The following VWA3A variants were observed in gnomAD, a reference collection of about 807,000 sequenced individuals.
The protein encoded by VWA3A is von Willebrand factor A domain-containing protein 3A.
A neutral mutation model predicts 160.4 loss-of-function variants in VWA3A; 134 were observed. The observed-to-expected ratio is 0.84, with a 90% CI of 0.73 to 0.96. VWA3A has a LOEUF of 0.96. Among genes scored for constraint, VWA3A ranks in the 40% least tolerant of loss-of-function variants. The pLI, the probability that VWA3A is intolerant of heterozygous loss-of-function variation, is 0.00. For missense variants in VWA3A, 1,310 were observed against 1,447.9 expected (o/e 0.90, Z 1.55); for synonymous variants, 476 against 543.4 (o/e 0.88, Z 1.72).
At position 22,133,940 on chromosome 16, in the gene VWA3A, G is replaced by C. The variant is rs745957363; in HGVS notation, c.2069-428G>C. Among the ~76,000 whole-genome samples the C allele has an allele frequency of 3.8e-4, 58 of 152,080 alleles. 2 individuals are homozygous for C. The highest frequency in any genetic ancestry group is 7.2e-4 in the Non-Finnish European group (49 of 68,020). ...GTGGTGTGTTCACAGCACATGGTTG[G>C]CAAGATAGTTGTACATGGTACAAAA... On this transcript the variant is annotated intron_variant, in intron 20 of 33. Coordinates refer to ENST00000389398, the MANE Select transcript of VWA3A (RefSeq NM_173615.5).
At position 22,146,235 on chromosome 16, in the gene VWA3A, G is replaced by A. The variant is rs1256753758; in HGVS notation, c.2731-1G>A. ...GCTTGCCTCTGCTTGCCTTAACCCA[G>A]GGAGTGGTGAGACACATCCAGTGGA... On this transcript the variant is annotated splice_acceptor_variant, in intron 26 of 33. Coordinates refer to ENST00000389398, the MANE Select transcript of VWA3A (RefSeq NM_173615.5). LOFTEE classifies it high-confidence loss of function. The A allele has an allele frequency of 6.2e-7, 1 of 1,612,918 alleles. No individual in the cohort carries two copies. The highest frequency in any genetic ancestry group is 1.1e-5 in the South Asian group (1 of 90,902).
At chr16:22,100,088 AG>A in intron 3 of VWA3A, 105 bp from the exon 4 acceptor site, 1 of 1,335,406 alleles carries the variant, frequency 7.5e-7, no homozygotes. Flanking sequence ...AAAAAAAAAA[AG>A]ATAGGGTCAG....
At chr16:22,152,206 G>C (rs1567228866) in intron 30 of VWA3A, among the ~76,000 whole-genome samples, 1 of 152,240 alleles carries the variant, frequency 6.6e-6, no homozygotes, top group East Asian at 1.9e-4. Flanking sequence ...CTGAGACTCT[G>C]TCTCAGAAAA....
intron 1 of VWA3A, 88 bp from the exon 2 acceptor site, chr16:22,096,771 G>A: frequency 1.1e-6 from 1 of 870,226 alleles, no homozygotes. Context: ...TGTAGAAAAA[G>A]AAGCATTGTG....
In VWA3A at chr16:22,123,073, G is replaced by A; in HGVS notation, c.1357-12G>A. The stretch of plus-strand genomic sequence containing the variant: ...TTCGCCTGCTCACCCTCCTGCCCAT[G>A]CCTGAGTATAGAAGGCAATGATACA... On this transcript the variant is annotated splice_polypyrimidine_tract_variant and intron_variant, in intron 14 of 33. Transcript: ENST00000389398. The A allele has an allele frequency of 1.3e-6, 2 of 1,591,160 alleles. No homozygotes were observed. Among genetic ancestry groups the A allele is most frequent in the Non-Finnish European group, 8.6e-7 (1 of 1,167,948 alleles).
chr16:22,154,575 C>T (rs530512469), intron 31 of VWA3A, among the ~76,000 whole-genome samples: 8 of 151,920 alleles, frequency 5.3e-5, no homozygotes, highest in Admixed American at 6.6e-5. Flanking sequence ...GTGATCCACC[C>T]GCCTCAGCCA....
intron 17 of VWA3A, among the ~76,000 whole-genome samples, chr16:22,129,774 G>C (rs770100536): frequency 6.6e-5 from 10 of 152,160 alleles, no homozygotes; most frequent in Non-Finnish European, 1.0e-4. Context: ...CATTCGAAGG[G>C]TGGGCAGAAG....
In VWA3A at chr16:22,155,569, TC is replaced by T; in HGVS notation, c.3411del (p.Thr1138HisfsTer10). 1 of 1,613,816 alleles carries T rather than the reference TC, an allele frequency of 6.2e-7. No individual in the cohort carries two copies. The highest frequency in any genetic ancestry group is 1.1e-5 in the South Asian group (1 of 91,066). ...LTKGFINEKD[P>X]TLPPFEGDDL... ...CACACTCATTTCCTCTTTTCAAGGATCCCACATTGCCACCATTTGAAGGAGA... is the reference window on the plus strand; with the variant it reads ...CACACTCATTTCCTCTTTTCAAGGATCCACATTGCCACCATTTGAAGGAGA... On this transcript the variant is annotated frameshift_variant, in exon 32 of 34. Transcript: ENST00000389398. LOFTEE classifies it high-confidence loss of function.
At chr16:22,119,546 C>G (rs2045699965) in intron 12 of VWA3A, among the ~76,000 whole-genome samples, 1 of 152,172 alleles carries the variant, frequency 6.6e-6, no homozygotes, top group African/African-American at 2.4e-5. Flanking sequence ...TGGCATGTGC[C>G]TGTAGTTCCA....
At chr16:22,126,328 G>T (rs775362591) in intron 17 of VWA3A, 31 bp downstream of exon 17, 2 of 1,599,914 alleles carry the variant, frequency 1.3e-6, no homozygotes, top group South Asian at 2.2e-5. Context: ...GGGGGCAAGG[G>T]TGGGTCGTGT....
chr16:22,096,577 T>C (rs2045326714), intron 1 of VWA3A, among the ~76,000 whole-genome samples: 1 of 152,120 alleles, frequency 6.6e-6, no homozygotes, highest in Non-Finnish European at 1.5e-5. Context: ...AGACCCCGTC[T>C]CTACAGTAAA....
chr16:22,106,280 G>A (rs2045481822), intron 6 of VWA3A, among the ~76,000 whole-genome samples: 1 of 152,126 alleles, frequency 6.6e-6, no homozygotes. Context: ...AGCTACTAGA[G>A]AGGCTGAAGC....
At chr16:22,108,039 A>T (rs1473302520) in intron 6 of VWA3A, among the ~76,000 whole-genome samples, 1 of 152,216 alleles carries the variant, frequency 6.6e-6, no homozygotes, top group Admixed American at 6.5e-5. Flanking sequence ...AGAGTTCGGG[A>T]AAGTCAAGAA....
In VWA3A at chr16:22,131,684, G is replaced by A. The variant is rs780664133; in HGVS notation, c.1827G>A (p.Ser609=). The change falls in exon 19 of 34, where the codon TCG becomes TCA. Residue 609 remains serine, a synonymous_variant. Coordinates refer to ENST00000389398, the MANE Select transcript of VWA3A (RefSeq NM_173615.5). The part of the protein sequence containing the change: ...VDFKDKDKHQ[S]QGIYLFTGGI... ...TCAAGGACAAAGACAAACACCAATCGCAGGGAATCTACCTCTTCACTGGGG... is the reference window on the plus strand; with the variant it reads ...TCAAGGACAAAGACAAACACCAATCACAGGGAATCTACCTCTTCACTGGGG... The A allele has an allele frequency of 8.1e-6, 13 of 1,613,874 alleles. No individual in the cohort carries two copies. In the East Asian group the frequency reaches 1.3e-4, roughly 17 times the overall value.
rs755616128 is a variant in VWA3A at position 22,146,294 on chromosome 16, T to C, written c.2789T>C (p.Leu930Ser). 3 of 1,613,386 alleles carry C rather than the reference T, an allele frequency of 1.9e-6. No individual in the cohort carries two copies. In the African/African-American group the frequency reaches 4.0e-5, roughly 22 times the overall value. The change falls in exon 27 of 34, where the codon TTG becomes TCG. Residue 930 changes from leucine to serine, a missense_variant. Leu to Ser is a moderately radical substitution (Grantham distance 145). Coordinates refer to ENST00000389398, the MANE Select transcript of VWA3A (RefSeq NM_173615.5). ...PREMEVYIRH[L>S]EKVLRRYVQR... is the part of the protein sequence containing the mutation. ...GAGATGGAGGTGTACATCAGGCACT[T>C]GGAGAAGGTGTTAAGGCGCTATGTC... is the stretch of plus-strand genomic sequence containing the variant.
intron 16 of VWA3A, among the ~76,000 whole-genome samples, chr16:22,124,291 T>G (rs2045802138): frequency 6.6e-6 from 1 of 151,148 alleles, no homozygotes. Context: ...GATGTTCTGA[T>G]TGGCCAGGGT....
intron 14 of VWA3A, among the ~76,000 whole-genome samples, chr16:22,122,273 ATGGATGGG>A (rs1349156148): frequency 6.7e-6 from 1 of 149,620 alleles, no homozygotes; most frequent in Admixed American, 6.6e-5. Flanking sequence ...GGATGGATGG[ATGGATGGG>A]TGGATGGATG....
chr16:22,111,821 TG>T (rs2045556280), intron 8 of VWA3A, among the ~76,000 whole-genome samples: 1 of 152,174 alleles, frequency 6.6e-6, no homozygotes, highest in South Asian at 2.1e-4. Flanking sequence ...CTCGCTATGT[TG>T]TCCAGGCTGG....
At chr16:22,129,594 A>C (rs1213016027) in intron 17 of VWA3A, among the ~76,000 whole-genome samples, 1 of 152,112 alleles carries the variant, frequency 6.6e-6, no homozygotes, top group African/African-American at 2.4e-5. Flanking sequence ...GTTTGGAGAC[A>C]TTAAGAGGAG....
Sources: allele counts gnomAD v4.1 joint callset (sites outside exome capture counted in the v4.1 genomes callset), GRCh38; gene constraint gnomAD v4.1.1; transcripts MANE v1.5; gene names NCBI Gene and HGNC (gene_info 2026-07-23, HGNC 2026-07-21).